The following RAD51B variants were observed in gnomAD, a reference collection of about 807,000 sequenced individuals.
The protein encoded by RAD51B is DNA repair protein RAD51 homolog 2.
RAD51B carries 38 observed loss-of-function variants against 42.2 expected under a neutral mutation model. The ratio of observed to expected loss-of-function variants is 0.90; its 90% CI spans 0.70 to 1.18. The LOEUF is 1.18. Ranked by LOEUF, RAD51B falls within the 50% of genes most tolerant of loss-of-function variation. RAD51B has a pLI of 0.00. For missense variants in RAD51B, 373 were observed against 400.7 expected (o/e 0.93, Z 0.59); for synonymous variants, 154 against 145.2 (o/e 1.06, Z -0.43).
At chr14:68,278,692 A>G (rs550357608) in intron 7 of RAD51B, among the ~76,000 whole-genome samples, 5 of 152,178 alleles carry the variant, frequency 3.3e-5, no homozygotes, top group African/African-American at 4.8e-5. Flanking sequence ...TTTTGTAATA[A>G]ACAACAGTGG....
At chr14:67,918,730 A>G (rs1034248955) in intron 7 of RAD51B, among the ~76,000 whole-genome samples, 8 of 152,222 alleles carry the variant, frequency 5.3e-5, no homozygotes, top group Non-Finnish European at 1.0e-4. Context: ...ACTTAACTCA[A>G]AACTAACACT....
Position 67,969,218 on chromosome 14 carries a change from C to A in RAD51B, c.756+82014C>A, listed in dbSNP as rs370424531. 5.9e-5 allele frequency among the ~76,000 whole-genome samples: 9 copies of A among 152,140 alleles called. No homozygotes were observed. In the East Asian group the frequency reaches 1.3e-3, roughly 23 times the overall value. ...ATTTGGGTGGGGACACAGAACCAAA[C>A]CATATCAGTAAGCAAGTACTGGTTC... On this transcript the variant is annotated intron_variant, in intron 7 of 10. Coordinates refer to ENST00000471583, the MANE Select transcript of RAD51B (RefSeq NM_133510.4).
chr14:68,590,477 AT>A (rs1486787757), intron 10 of RAD51B, among the ~76,000 whole-genome samples: 5 of 152,328 alleles, frequency 3.3e-5, no homozygotes, highest in Non-Finnish European at 5.9e-5. Context: ...TGCCTGTCCC[AT>A]CAGTCTGGTT....
chr14:68,226,693 A>C (rs2080046188), intron 7 of RAD51B, among the ~76,000 whole-genome samples: 1 of 152,134 alleles, frequency 6.6e-6, no homozygotes, highest in African/African-American at 2.4e-5. Context: ...GTATGTCTTT[A>C]TTAGCGCATG....
intron 7 of RAD51B, among the ~76,000 whole-genome samples, chr14:68,257,120 G>A (rs79037968): frequency 6.6e-6 from 1 of 152,198 alleles, no homozygotes; most frequent in Non-Finnish European, 1.5e-5. Flanking sequence ...AATGTTGTAT[G>A]ATTCCACTTA....
At chr14:68,094,498 A>G (rs2077158828) in intron 7 of RAD51B, among the ~76,000 whole-genome samples, 1 of 152,262 alleles carries the variant, frequency 6.6e-6, no homozygotes, top group African/African-American at 2.4e-5. Context: ...AATTTAAAAC[A>G]CACACACATA....
At chr14:68,595,799 C>T (rs1424567039) in exon 11 of RAD51B, 6 of 370,176 alleles carry the variant, frequency 1.6e-5, no homozygotes, top group Non-Finnish European at 2.5e-5. Context: ...AGAGAAAAAA[C>T]AGATTATAAA....
chr14:68,475,227 T>C (rs568672841), intron 10 of RAD51B, among the ~76,000 whole-genome samples: 2 of 152,318 alleles, frequency 1.3e-5, no homozygotes, highest in Admixed American at 6.5e-5. Context: ...GGTGGCCATA[T>C]ACCCAGCTAA....
intron 8 of RAD51B, among the ~76,000 whole-genome samples, chr14:68,336,654 A>G (rs2082460803): frequency 6.6e-6 from 1 of 152,248 alleles, no homozygotes; most frequent in Non-Finnish European, 1.5e-5. Flanking sequence ...ATATAAAATG[A>G]TGATAGAATT....
chr14:68,635,791 C>G (rs776259537), intron 10 of RAD51B, among the ~76,000 whole-genome samples: 2 of 152,144 alleles, frequency 1.3e-5, no homozygotes, highest in African/African-American at 4.8e-5. Flanking sequence ...CACTAAGAAC[C>G]TAGGGCAAGG....
At chr14:68,639,659 G>A (rs558954868) in intron 10 of RAD51B, among the ~76,000 whole-genome samples, 28 of 152,308 alleles carry the variant, frequency 1.8e-4, no homozygotes, top group African/African-American at 6.5e-4. Context: ...GGAACAGAGA[G>A]AAAAAGACAG....
intron 10 of RAD51B, among the ~76,000 whole-genome samples, chr14:68,561,206 C>A (rs1253890466): frequency 1.3e-5 from 2 of 152,226 alleles, no homozygotes; most frequent in African/African-American, 4.8e-5. Context: ...CCCGCTTCCA[C>A]AACGTCTGGT....
chr14:68,238,719 A>G (rs1371790733), intron 7 of RAD51B, among the ~76,000 whole-genome samples: 7 of 152,226 alleles, frequency 4.6e-5, no homozygotes, highest in African/African-American at 1.7e-4. Flanking sequence ...AATGTAATAC[A>G]ATGTATCCCT....
chr14:67,893,525 G>T (rs1430509899), intron 7 of RAD51B, among the ~76,000 whole-genome samples: 1 of 135,270 alleles, frequency 7.4e-6, no homozygotes, highest in Non-Finnish European at 1.6e-5. Flanking sequence ...AAAACAATTA[G>T]CTGGGTGTGG....
chr14:68,078,931 A>T (rs10140420), intron 7 of RAD51B, among the ~76,000 whole-genome samples: 11 of 151,874 alleles, frequency 7.2e-5, no homozygotes, highest in Non-Finnish European at 4.4e-5. Flanking sequence ...TTGAGGTTTC[A>T]GTGAGCCATG....
chr14:68,442,977 C>T (rs540387793), intron 9 of RAD51B, among the ~76,000 whole-genome samples: 1 of 152,300 alleles, frequency 6.6e-6, no homozygotes, highest in Admixed American at 6.5e-5. Flanking sequence ...AAGGCCTGGG[C>T]CTCATGCAGT....
chr14:67,995,204 G>A (rs2075359940), intron 7 of RAD51B, among the ~76,000 whole-genome samples: 1 of 151,990 alleles, frequency 6.6e-6, no homozygotes, highest in Admixed American at 6.6e-5. Context: ...TGGCCAACAT[G>A]GTGAAGCCCC....
At chr14:68,447,769 G>T (rs956784422) in intron 9 of RAD51B, among the ~76,000 whole-genome samples, 1 of 151,568 alleles carries the variant, frequency 6.6e-6, no homozygotes, top group Non-Finnish European at 1.5e-5. Context: ...CTTGATGAAA[G>T]TCCTTGATGT....
Position 68,260,319 on chromosome 14 carries a change from G to GTGTGTGTGTGTGTGTGTGTGTGTGTGTGT in RAD51B, c.757-31565_757-31564insTGTGTGTGTGTGTGTGTGTGTGTGTGTGT, listed in dbSNP as rs1555383057. 1.2e-3 allele frequency among the ~76,000 whole-genome samples: 168 copies of GTGTGTGTGTGTGTGTGTGTGTGTGTGTGT among 136,100 alleles called. 11 individuals carry two copies. The highest frequency in any genetic ancestry group is 2.0e-3 in the African/African-American group (58 of 28,810). The allele number at this position is 136,100 out of a possible 152,430, so 89.3% of individuals were successfully genotyped here. ...AGACCGTGTGTGTGTGTGTGTGTGT[G>GTGTGTGTGTGTGTGTGTGTGTGTGTGTGT]GAGAGGGGAAGACAGCGGGGGTAGA... is the stretch of plus-strand genomic sequence containing the variant. On this transcript the variant is annotated intron_variant, in intron 7 of 10. Coordinates refer to ENST00000471583, the MANE Select transcript of RAD51B (RefSeq NM_133510.4).
Sources: gnomAD v4.1 joint callset for allele counts (sites outside exome capture counted in the v4.1 genomes callset) on GRCh38, gnomAD v4.1.1 for gene constraint, MANE v1.5 for transcripts, NCBI Gene and HGNC (gene_info 2026-07-23, HGNC 2026-07-21) for gene names.